The following ADAMTSL1 variants were observed in gnomAD, a reference collection of about 807,000 sequenced individuals.
ADAMTSL1 encodes the protein ADAMTS like 1.
A neutral mutation model predicts 201.8 loss-of-function variants in ADAMTSL1; 126 were observed. That is an observed-to-expected ratio of 0.62 (90% CI 0.54 to 0.72). The LOEUF (loss-of-function observed/expected upper bound fraction) is 0.72. Among genes scored for constraint, ADAMTSL1 ranks in the 30% least tolerant of loss-of-function variants. The pLI is 0.00. For synonymous variants in ADAMTSL1, 1,121 were observed against 903.4 expected, an observed-to-expected ratio of 1.24 and a Z score of -4.32; for missense variants, 2,679 against 2,277.8, an observed-to-expected ratio of 1.18 and a Z score of -3.59.
At chr9:18,647,770 G>A (rs1827917049) in intron 7 of ADAMTSL1, among the ~76,000 whole-genome samples, 2 of 151,718 alleles carry the variant, frequency 1.3e-5, no homozygotes, top group Admixed American at 6.6e-5. Context: ...TATAATTTCT[G>A]TTCTTTTACA....
intron 4 of ADAMTSL1, among the ~76,000 whole-genome samples, chr9:18,593,689 T>C (rs1824068513): frequency 6.6e-6 from 1 of 152,158 alleles, no homozygotes; most frequent in Non-Finnish European, 1.5e-5. Flanking sequence ...GAGCATATTG[T>C]TTAATTTCCA....
intron 14 of ADAMTSL1, among the ~76,000 whole-genome samples, chr9:18,714,347 C>T (rs563717559): frequency 7.3e-5 from 11 of 151,324 alleles, no homozygotes; most frequent in Admixed American, 2.6e-4. Context: ...ATTGATAGAC[C>T]GCTAGCAAGA....
At chr9:18,647,182 C>T (rs201030594) in intron 7 of ADAMTSL1, among the ~76,000 whole-genome samples, 1 of 152,020 alleles carries the variant, frequency 6.6e-6, no homozygotes, top group African/African-American at 2.4e-5. Context: ...TGTAGAGGTG[C>T]TTGTAGTATC....
At chr9:18,829,800 C>T in intron 22 of ADAMTSL1, 43 bp from the exon 23 acceptor site, 2 of 1,612,448 alleles carry the variant, frequency 1.2e-6, no homozygotes, top group African/African-American at 1.3e-5. Context: ...TTGACACAGC[C>T]CTGTGCTTTA....
At chr9:18,069,370 CAAT>C (rs1822852510) in intron 1 of ADAMTSL1, among the ~76,000 whole-genome samples, 1 of 152,118 alleles carries the variant, frequency 6.6e-6, no homozygotes, top group African/African-American at 2.4e-5. Flanking sequence ...ATTTTACTCA[CAAT>C]AAGAAGGACA....
intron 1 of ADAMTSL1, among the ~76,000 whole-genome samples, chr9:17,933,019 A>G (rs1826861026): frequency 6.6e-6 from 1 of 152,192 alleles, no homozygotes; most frequent in Non-Finnish European, 1.5e-5. Flanking sequence ...GCCTGGCACC[A>G]TGCATGGTAG....
intron 16 of ADAMTSL1, among the ~76,000 whole-genome samples, chr9:18,766,838 G>T (rs1168234059): frequency 6.6e-6 from 1 of 152,168 alleles, no homozygotes; most frequent in Non-Finnish European, 1.5e-5. Flanking sequence ...TGGGAGTTAG[G>T]ATTTCAGCGT....
intron 2 of ADAMTSL1, among the ~76,000 whole-genome samples, chr9:18,195,411 A>G (rs867670696): frequency 6.6e-6 from 1 of 152,132 alleles, no homozygotes; most frequent in Non-Finnish European, 1.5e-5. Context: ...ACATCCTAAA[A>G]GACAGGTTAT....
At chr9:18,638,781 G>C (rs774728242) in intron 6 of ADAMTSL1, among the ~76,000 whole-genome samples, 3 of 152,070 alleles carry the variant, frequency 2.0e-5, no homozygotes, top group Non-Finnish European at 2.9e-5. Context: ...TAACCAGAAA[G>C]TATAAATAAA....
chr9:18,724,768 AC>A (rs1256234047), intron 15 of ADAMTSL1, among the ~76,000 whole-genome samples: 3 of 152,180 alleles, frequency 2.0e-5, no homozygotes, highest in Non-Finnish European at 4.4e-5. Context: ...ATTATCAATG[AC>A]AGCTGGGAAG....
At chr9:18,886,166 G>GTATATATA (rs751978972) in intron 23 of ADAMTSL1, among the ~76,000 whole-genome samples, 13 of 37,132 alleles carry the variant, frequency 3.5e-4, no homozygotes, top group East Asian at 5.4e-4. Flanking sequence ...GTGTGTATGT[G>GTATATATA]TATATATATA....
At chr9:18,140,989 G>C (rs1025410240) in intron 1 of ADAMTSL1, among the ~76,000 whole-genome samples, 1 of 152,166 alleles carries the variant, frequency 6.6e-6, no homozygotes, top group African/African-American at 2.4e-5. Flanking sequence ...TCTGAAAAGA[G>C]AGTGAGCACC....
rs1427174746 is a variant in ADAMTSL1, at chr9:18,569,004, A to AATTTTGTATATTAAT, written c.238-5024_238-5023insTTTGTATATTAATAT. On this transcript the variant is annotated intron_variant, in intron 3 of 28. Transcript: ENST00000380548. Reference sequence around the variant, plus strand: ...AAAATTAATGCTTCTCCTGACCCTGAATCTACATTATGTATATTTTTCAAA... The same window carrying AATTTTGTATATTAAT: ...AAAATTAATGCTTCTCCTGACCCTGAATTTTGTATATTAATATCTACATTATGTATATTTTTCAAA... Among the ~76,000 whole-genome samples, 59 of 152,268 alleles carry AATTTTGTATATTAAT rather than the reference A, an allele frequency of 3.9e-4. No homozygotes were observed. In the East Asian group the frequency reaches 0.011, roughly 29 times the overall value.
At chr9:18,233,368 T>C (rs1002703015) in intron 2 of ADAMTSL1, among the ~76,000 whole-genome samples, 4 of 152,254 alleles carry the variant, frequency 2.6e-5, no homozygotes, top group African/African-American at 9.6e-5. Context: ...ATGAATTTCA[T>C]CTTTTTTATC....
At chr9:18,170,218 A>T (rs990624267) in intron 2 of ADAMTSL1, among the ~76,000 whole-genome samples, 1 of 152,082 alleles carries the variant, frequency 6.6e-6, no homozygotes, top group African/African-American at 2.4e-5. Context: ...ATATAACTTC[A>T]CATTTTCTGA....
intron 2 of ADAMTSL1, among the ~76,000 whole-genome samples, chr9:18,322,380 C>T (rs2132859094): frequency 1.3e-5 from 2 of 152,232 alleles, no homozygotes; most frequent in Middle Eastern, 3.4e-3. Context: ...CACCTGTAAT[C>T]CCAGCACTTT....
intron 2 of ADAMTSL1, among the ~76,000 whole-genome samples, chr9:18,318,908 C>G (rs368088833): frequency 6.6e-6 from 1 of 152,134 alleles, no homozygotes; most frequent in Non-Finnish European, 1.5e-5. Flanking sequence ...ATTATTGATA[C>G]TTTACAAACA....
intron 1 of ADAMTSL1, among the ~76,000 whole-genome samples, chr9:18,005,941 C>T (rs1819799909): frequency 6.6e-6 from 1 of 151,942 alleles, no homozygotes; most frequent in Admixed American, 6.6e-5. Context: ...GTCATAAAAT[C>T]TATCTCATAG....
At chr9:18,563,313 C>T (rs1028271334) in intron 3 of ADAMTSL1, among the ~76,000 whole-genome samples, 1 of 152,132 alleles carries the variant, frequency 6.6e-6, no homozygotes, top group East Asian at 1.9e-4. Context: ...CACTCCAGAC[C>T]CTGTTTACCT....
Sources: gnomAD v4.1 joint callset for allele counts (sites outside exome capture counted in the v4.1 genomes callset) on GRCh38, gnomAD v4.1.1 for gene constraint, MANE v1.5 for transcripts, NCBI Gene and HGNC (gene_info 2026-07-23, HGNC 2026-07-21) for gene names.